Variants in SULT6B1 observed in about 807,000 individuals in gnomAD.
SULT6B1 encodes sulfotransferase 6B1.
In SULT6B1, 44 loss-of-function variants were observed where a neutral mutation model predicts 37.2. The observed-to-expected ratio is 1.18, with a 90% CI of 0.93 to 1.52. The LOEUF is 1.52. SULT6B1 is among the 40% of genes most tolerant of loss of function. The pLI, the probability that SULT6B1 is intolerant of heterozygous loss-of-function variation, is 0.00. For missense variants in SULT6B1, 450 were observed against 361.0 expected (o/e 1.25, Z -2.00); for synonymous variants, 140 against 126.0 (o/e 1.11, Z -0.74).
Position 37,187,447 on chromosome 2 carries a change from T to G in SULT6B1, c.220A>C (p.Ile74Leu), listed in dbSNP as rs1676698778. Residue 74 changes from isoleucine to leucine, a missense_variant, in exon 2 of 7, where the codon ATT (isoleucine) becomes CTT (leucine). Coordinates refer to ENST00000535679, the MANE Select transcript of SULT6B1 (RefSeq NM_001367551.1). ...PKCGSNWILH[I>L]VSELIYAVSK... ...ACAGCATATATTAATTCACTGACAA[T>G]GTGGAGAATCCAGTTTGAACCTATC... 1 of 1,600,602 alleles carries G rather than the reference T, an allele frequency of 6.2e-7. No individual in the cohort carries two copies. The highest frequency in any genetic ancestry group is 1.7e-5 in the Admixed American group (1 of 59,596).
At chr2:37,192,401 C>T (rs920475696), upstream of SULT6B1, among the ~76,000 whole-genome samples, 3 of 152,050 alleles carry the variant, frequency 2.0e-5, no homozygotes, top group Non-Finnish European at 4.4e-5. Context: ...CACAGGTATC[C>T]GGGTTTCATT....
chr2:37,194,958 T>A (rs981047324), intron 1 of SULT6B1, among the ~76,000 whole-genome samples: 1 of 114,720 alleles, frequency 8.7e-6, no homozygotes, highest in African/African-American at 3.5e-5. Flanking sequence ...CCTTCCTTCC[T>A]TCCATTTTTG....
chr2:37,192,724 TTTGC>T (rs1266084523), upstream of SULT6B1, among the ~76,000 whole-genome samples: 1 of 152,230 alleles, frequency 6.6e-6, no homozygotes, highest in Non-Finnish European at 1.5e-5. Flanking sequence ...ATAGTTGTTG[TTTGC>T]TTGCTTGCTT....
At chr2:37,181,353 G>A (rs757165442) in intron 3 of SULT6B1, among the ~76,000 whole-genome samples, 13 of 152,078 alleles carry the variant, frequency 8.5e-5, no homozygotes, top group Non-Finnish European at 1.3e-4. Flanking sequence ...AATTCCCCAC[G>A]TCAACGTCTT....
In SULT6B1 at chr2:37,175,064, T is replaced by TTATAAG. The variant is rs577678882; in HGVS notation, c.624+62_624+67dup. On this transcript the variant is annotated intron_variant, in intron 5 of 6. Transcript: ENST00000535679. ...CCATATTTGTTTATACAAACAGACA[T>TTATAAG]TATAAGTAAGTGCTCTACGTTGTAG... 360 of 877,500 alleles carry TTATAAG rather than the reference T, an allele frequency of 4.1e-4. 3 individuals carry two copies. In the Middle Eastern group the frequency reaches 5.6e-3, roughly 14 times the overall value. The allele number at this position is 877,500 out of a possible 1,614,324, so 54.4% of individuals were successfully genotyped here.
chr2:37,180,358 G>A (rs1464970903), intron 3 of SULT6B1, among the ~76,000 whole-genome samples: 3 of 152,318 alleles, frequency 2.0e-5, no homozygotes, highest in East Asian at 3.9e-4. Flanking sequence ...GTGCAGATTT[G>A]TGATATTCAC....
intron 1 of SULT6B1, chr2:37,194,528 A>G: frequency 2.6e-6 from 1 of 387,176 alleles, no homozygotes; most frequent in African/African-American, 2.1e-5. Context: ...GGCAAAGACA[A>G]CTTTATTGAG....
intron 2 of SULT6B1, among the ~76,000 whole-genome samples, chr2:37,184,542 T>C (rs947527040): frequency 2.0e-5 from 3 of 152,268 alleles, no homozygotes; most frequent in Admixed American, 6.5e-5. Context: ...GGTCACTTAC[T>C]GCTTGGTTGC....
intron 5 of SULT6B1, among the ~76,000 whole-genome samples, chr2:37,172,460 C>A (rs1676325351): frequency 6.6e-6 from 1 of 152,084 alleles, no homozygotes; most frequent in East Asian, 1.9e-4. Flanking sequence ...TTAATATGTT[C>A]TTTCATATTA....
chr2:37,179,931 T>G (rs947869139), intron 3 of SULT6B1, among the ~76,000 whole-genome samples: 2 of 152,070 alleles, frequency 1.3e-5, no homozygotes, highest in Non-Finnish European at 2.9e-5. Context: ...AAATTGCAAA[T>G]AATGTTAAGG....
intron 1 of SULT6B1, chr2:37,194,885 C>CCTCCCTTCT (rs1676869388): frequency 5.2e-5 from 2 of 38,684 alleles, no homozygotes; most frequent in Non-Finnish European, 1.1e-4. Flanking sequence ...CCCTCCCTTC[C>CCTCCCTTCT]TTCCTTCCTT....
chr2:37,193,651 G>GAAGAAGAA (rs1553345846), upstream of SULT6B1, among the ~76,000 whole-genome samples: 15 of 113,572 alleles, frequency 1.3e-4, no homozygotes, highest in African/African-American at 4.2e-4. Context: ...AGAAGAAGAA[G>GAAGAAGAA]GAGAAGAAGG....
intron 1 of SULT6B1, among the ~76,000 whole-genome samples, chr2:37,187,938 A>G (rs889791944): frequency 2.0e-5 from 3 of 152,230 alleles, no homozygotes; most frequent in African/African-American, 7.2e-5. Flanking sequence ...GGTAGAAAGC[A>G]GGATCATCTA....
At chr2:37,184,840 A>C (rs942869112) in intron 2 of SULT6B1, among the ~76,000 whole-genome samples, 5 of 151,974 alleles carry the variant, frequency 3.3e-5, no homozygotes, top group Non-Finnish European at 7.4e-5. Flanking sequence ...TAAAAAAAAA[A>C]AAACAACAAA....
At chr2:37,177,880 G>C (rs1676465140) in intron 4 of SULT6B1, among the ~76,000 whole-genome samples, 2 of 152,118 alleles carry the variant, frequency 1.3e-5, no homozygotes, top group South Asian at 4.1e-4. Context: ...CCCTCTTAGA[G>C]TGAACTGACA....
chr2:37,192,231 T>C (rs189527931), upstream of SULT6B1, among the ~76,000 whole-genome samples: 2 of 152,232 alleles, frequency 1.3e-5, no homozygotes, highest in Admixed American at 1.3e-4. Flanking sequence ...ATTTCTGAAA[T>C]GTAAACATAT....
chr2:37,174,186 A>C (rs1403119827), intron 5 of SULT6B1, among the ~76,000 whole-genome samples: 1 of 150,790 alleles, frequency 6.6e-6, no homozygotes, highest in Non-Finnish European at 1.5e-5. Flanking sequence ...TCTTTGCTCA[A>C]ATCACATCCC....
intron 3 of SULT6B1, among the ~76,000 whole-genome samples, chr2:37,182,594 G>A (rs1475089227): frequency 5.3e-5 from 8 of 152,100 alleles, no homozygotes; most frequent in Admixed American, 5.2e-4. Context: ...CTCTCAAAGT[G>A]CTGGGATTAC....
intron 5 of SULT6B1, among the ~76,000 whole-genome samples, chr2:37,171,841 T>C (rs1032875180): frequency 6.6e-6 from 1 of 152,198 alleles, no homozygotes; most frequent in Non-Finnish European, 1.5e-5. Flanking sequence ...GTTTTTAGCA[T>C]GTAAATAATG....
Sources: gnomAD v4.1 joint callset for allele counts (sites outside exome capture counted in the v4.1 genomes callset) on GRCh38, gnomAD v4.1.1 for gene constraint, MANE v1.5 for transcripts, NCBI Gene and HGNC (gene_info 2026-07-23, HGNC 2026-07-21) for gene names.